The following PCSK2 variants were observed in gnomAD, a reference collection of about 807,000 sequenced individuals.
PCSK2 encodes proprotein convertase subtilisin/kexin type 2.
Under a neutral mutation model 69.7 loss-of-function variants are expected in PCSK2, and 14 were observed. The observed-to-expected ratio is 0.20, with a 90% CI of 0.13 to 0.31. The LOEUF (loss-of-function observed/expected upper bound fraction) is 0.31, where lower values mean the gene tolerates loss of function less well. PCSK2 is among the 10% of genes least tolerant of loss of function. PCSK2 has a pLI of 1.00. For synonymous variants in PCSK2, 307 were observed against 320.7 expected (o/e 0.96, Z 0.46); for missense variants, 544 against 842.5 (o/e 0.65, Z 4.39).
chr20:17,413,463 A>T (rs1488133033), intron 6 of PCSK2, among the ~76,000 whole-genome samples: 1 of 152,226 alleles, frequency 6.6e-6, no homozygotes, highest in Non-Finnish European at 1.5e-5. Context: ...TAAAGGGATC[A>T]ATTCAACAAG....
At chr20:17,238,592 T>C (rs559120320) in intron 1 of PCSK2, among the ~76,000 whole-genome samples, 1 of 152,264 alleles carries the variant, frequency 6.6e-6, no homozygotes, top group Admixed American at 6.5e-5. Context: ...ATTATTGATA[T>C]CACTGAACCA....
intron 2 of PCSK2, among the ~76,000 whole-genome samples, chr20:17,275,045 G>A (rs1988010558): frequency 6.7e-6 from 1 of 148,454 alleles, no homozygotes; most frequent in Non-Finnish European, 1.5e-5. Flanking sequence ...TAATCATTAG[G>A]AGTTGTTATT....
intron 2 of PCSK2, among the ~76,000 whole-genome samples, chr20:17,307,716 C>A (rs893969079): frequency 6.6e-6 from 1 of 152,094 alleles, no homozygotes; most frequent in African/African-American, 2.4e-5. Flanking sequence ...AGTTTACATT[C>A]TCTATGAAAC....
chr20:17,377,020 T>G (rs1221495794), intron 5 of PCSK2, among the ~76,000 whole-genome samples: 1 of 152,184 alleles, frequency 6.6e-6, no homozygotes, highest in Non-Finnish European at 1.5e-5. Flanking sequence ...TCCTTCATCA[T>G]GCATGATACT....
At chr20:17,359,456 G>A (rs2030317519) in intron 3 of PCSK2, among the ~76,000 whole-genome samples, 1 of 152,186 alleles carries the variant, frequency 6.6e-6, no homozygotes, top group Admixed American at 6.5e-5. Flanking sequence ...GCTCAGAAAC[G>A]CAGGCTGACC....
chr20:17,379,973 A>G (rs918730157), intron 5 of PCSK2, among the ~76,000 whole-genome samples: 3 of 152,184 alleles, frequency 2.0e-5, no homozygotes, highest in African/African-American at 7.2e-5. Context: ...GCCACATGGC[A>G]AGGAATGGCG....
intron 2 of PCSK2, among the ~76,000 whole-genome samples, chr20:17,333,705 G>T (rs985593395): frequency 1.3e-5 from 2 of 151,990 alleles, no homozygotes; most frequent in African/African-American, 4.8e-5. Context: ...GCTTCAAACA[G>T]CCAGGGTTCA....
rs2208202 is a variant in PCSK2 at position 17,342,614 on chromosome 20, C to T, written c.283-15713C>T. On this transcript the variant is annotated intron_variant, in intron 2 of 11. Coordinates refer to ENST00000262545, the MANE Select transcript of PCSK2 (RefSeq NM_002594.5). ...ATTACAGGCATGAGCCACCAGGCCT[C>T]GCCTATAAAGCTCTTTAATAAACTT... 3.9e-3 allele frequency among the ~76,000 whole-genome samples: 586 copies of T among 151,710 alleles called. 32 individuals carry two copies. The East Asian group carries it at 0.086, about 22-fold the overall frequency.
chr20:17,305,989 T>A (rs921676626), intron 2 of PCSK2, among the ~76,000 whole-genome samples: 2 of 152,234 alleles, frequency 1.3e-5, no homozygotes, highest in Admixed American at 6.5e-5. Flanking sequence ...CTGACATTTT[T>A]CTGCAAATGT....
chr20:17,345,812 C>T lies in PCSK2; in HGVS notation c.283-12515C>T, dbSNP rs560642168. ...ATGACTTTGGATCAAATCAAGAATACTCTCCACCCACCCATCTCCCCCGTT... is the reference window on the plus strand; with the variant it reads ...ATGACTTTGGATCAAATCAAGAATATTCTCCACCCACCCATCTCCCCCGTT... On this transcript the variant is annotated intron_variant, in intron 2 of 11. Transcript: ENST00000262545. Among the ~76,000 whole-genome samples, 7 of 152,260 alleles carry T rather than the reference C, an allele frequency of 4.6e-5. No homozygotes were observed. In the South Asian group the frequency reaches 1.5e-3, roughly 32 times the overall value.
chr20:17,315,767 G>C (rs1036780678), intron 2 of PCSK2, among the ~76,000 whole-genome samples: 10 of 152,172 alleles, frequency 6.6e-5, no homozygotes, highest in Non-Finnish European at 1.5e-4. Flanking sequence ...AATGTGAATC[G>C]CCGACACGGT....
At chr20:17,441,046 G>A (rs573729807) in intron 8 of PCSK2, among the ~76,000 whole-genome samples, 1 of 152,214 alleles carries the variant, frequency 6.6e-6, no homozygotes, top group South Asian at 2.1e-4. Context: ...CACTCACCCT[G>A]TTTGCTTCTC....
At chr20:17,310,126 A>G (rs78999611) in intron 2 of PCSK2, among the ~76,000 whole-genome samples, 44 of 150,210 alleles carry the variant, frequency 2.9e-4, no homozygotes, top group Non-Finnish European at 4.7e-4. Flanking sequence ...CTTTTAAACA[A>G]CCATATCACA....
intron 5 of PCSK2, among the ~76,000 whole-genome samples, chr20:17,391,749 T>C (rs2031378853): frequency 1.3e-5 from 2 of 152,112 alleles, no homozygotes; most frequent in Non-Finnish European, 2.9e-5. Context: ...TGGGTGCCTG[T>C]AGTCCCAGCT....
At chr20:17,230,166 C>T (rs1986094800) in intron 1 of PCSK2, among the ~76,000 whole-genome samples, 1 of 152,156 alleles carries the variant, frequency 6.6e-6, no homozygotes, top group Non-Finnish European at 1.5e-5. Flanking sequence ...ATCTTAGAGG[C>T]CCTTATGTCC....
chr20:17,344,650 C>G (rs74740917), intron 2 of PCSK2, among the ~76,000 whole-genome samples: 2 of 108,212 alleles, frequency 1.8e-5, no homozygotes, highest in African/African-American at 6.7e-5. Flanking sequence ...CTTGTTTGTT[C>G]CCCATTGAAA....
intron 2 of PCSK2, among the ~76,000 whole-genome samples, chr20:17,312,658 G>A (rs1989553174): frequency 6.6e-6 from 1 of 151,986 alleles, no homozygotes; most frequent in Non-Finnish European, 1.5e-5. Flanking sequence ...TTAGGGGCCA[G>A]GTCAGATGAT....
At chr20:17,419,083 A>G (rs896347085) in intron 6 of PCSK2, among the ~76,000 whole-genome samples, 9 of 152,218 alleles carry the variant, frequency 5.9e-5, no homozygotes, top group Admixed American at 2.0e-4. Flanking sequence ...TTCAATAGCA[A>G]CACATCTCTC....
rs140218861 is a variant in PCSK2, at chr20:17,457,080, G to C, written c.1202+632G>C. Among the ~76,000 whole-genome samples, 468 of 152,320 alleles carry C rather than the reference G, an allele frequency of 3.1e-3. 3 individuals are homozygous for C. The highest frequency in any genetic ancestry group is 0.011 in the African/African-American group (452 of 41,558). ...CTACTGCTGGACACACCTTGGATTTGAGTAGCAGTGGAGGTACCTGCCCAC... is the reference window on the plus strand; with the variant it reads ...CTACTGCTGGACACACCTTGGATTTCAGTAGCAGTGGAGGTACCTGCCCAC... On this transcript the variant is annotated intron_variant, in intron 10 of 11. Coordinates refer to ENST00000262545, the MANE Select transcript of PCSK2 (RefSeq NM_002594.5).
Sources: allele counts gnomAD v4.1 joint callset (sites outside exome capture counted in the v4.1 genomes callset), GRCh38; gene constraint gnomAD v4.1.1; transcripts MANE v1.5; gene names NCBI Gene and HGNC (gene_info 2026-07-23, HGNC 2026-07-21).